The following DAB1 variants were observed in gnomAD, a reference collection of about 807,000 sequenced individuals.
DAB1 encodes disabled homolog 1.
DAB1 carries 15 observed loss-of-function variants against 64.6 expected under a neutral mutation model. The observed-to-expected ratio is 0.23, with a 90% CI of 0.16 to 0.36. DAB1 has a LOEUF of 0.36. Ranked by LOEUF, DAB1 falls within the 10% of genes least tolerant of loss-of-function variation. DAB1 has a pLI of 1.00. For missense variants in DAB1, 596 were observed against 706.7 expected (o/e 0.84, Z 1.78); for synonymous variants, 235 against 251.9 (o/e 0.93, Z 0.64).
At chr1:57,097,951 G>A (rs993627412) in intron 4 of DAB1, among the ~76,000 whole-genome samples, 1 of 151,936 alleles carries the variant, frequency 6.6e-6, no homozygotes, top group Non-Finnish European at 1.5e-5. Flanking sequence ...CTAATTTTTT[G>A]TATTTTTAAT....
chr1:57,272,101 C>A (rs931252384), intron 2 of DAB1, among the ~76,000 whole-genome samples: 3 of 152,160 alleles, frequency 2.0e-5, no homozygotes, highest in Non-Finnish European at 4.4e-5. Flanking sequence ...GAGATGTTGG[C>A]GTTTGATTTT....
intron 1 of DAB1, among the ~76,000 whole-genome samples, chr1:57,326,780 G>C (rs916025454): frequency 2.6e-5 from 4 of 151,942 alleles, no homozygotes; most frequent in African/African-American, 4.8e-5. Context: ...CCCATCATGA[G>C]AGTACCATCC....
intron 3 of DAB1, among the ~76,000 whole-genome samples, chr1:58,367,132 T>C (rs776960754): frequency 6.6e-6 from 1 of 152,184 alleles, no homozygotes; most frequent in Non-Finnish European, 1.5e-5. Context: ...ACAGTTAATA[T>C]GAAGGGAATA....
intron 7 of DAB1, among the ~76,000 whole-genome samples, chr1:57,495,039 C>T (rs964152108): frequency 6.6e-6 from 1 of 152,134 alleles, no homozygotes; most frequent in Non-Finnish European, 1.5e-5. Flanking sequence ...TAGCCCAGTG[C>T]TATCTTGCTA....
chr1:58,422,908 C>A (rs1644786219), intron 3 of DAB1, among the ~76,000 whole-genome samples: 1 of 152,170 alleles, frequency 6.6e-6, no homozygotes. Flanking sequence ...CTAACAGGAG[C>A]AAATCTGATT....
At chr1:57,089,784 A>T (rs1206823614) in intron 4 of DAB1, among the ~76,000 whole-genome samples, 1 of 152,226 alleles carries the variant, frequency 6.6e-6, no homozygotes, top group East Asian at 1.9e-4. Flanking sequence ...AAATGATTTG[A>T]TGTAAGAAAT....
At chr1:58,243,804 A>G (rs1016587765) in intron 4 of DAB1, among the ~76,000 whole-genome samples, 3 of 152,230 alleles carry the variant, frequency 2.0e-5, no homozygotes, top group African/African-American at 7.2e-5. Flanking sequence ...TAGGGAATTG[A>G]AAAAGATACC....
chr1:57,218,018 A>G (rs987234140), intron 2 of DAB1, among the ~76,000 whole-genome samples: 3 of 152,206 alleles, frequency 2.0e-5, no homozygotes, highest in Admixed American at 1.3e-4. Context: ...CAGTCTAATG[A>G]GGGAGACCCA....
intron 4 of DAB1, among the ~76,000 whole-genome samples, chr1:58,203,710 G>C (rs1044683207): frequency 1.3e-5 from 2 of 152,120 alleles, no homozygotes; most frequent in African/African-American, 4.8e-5. Flanking sequence ...AGCACTATGA[G>C]AACTACTGCT....
chr1:57,899,144 G>A (rs1179578380), intron 5 of DAB1, among the ~76,000 whole-genome samples: 1 of 152,092 alleles, frequency 6.6e-6, no homozygotes, highest in Non-Finnish European at 1.5e-5. Context: ...GCTTATGGGA[G>A]ATATTCAAAA....
chr1:57,441,279 TTTC>T (rs1200493911), intron 7 of DAB1, among the ~76,000 whole-genome samples: 6 of 25,826 alleles, frequency 2.3e-4, no homozygotes, highest in African/African-American at 5.7e-4. Flanking sequence ...TTTCTCTTTC[TTTC>T]TTTCTTTCTT....
At chr1:57,055,812 T>A (rs1649695910) in intron 9 of DAB1, among the ~76,000 whole-genome samples, 1 of 151,932 alleles carries the variant, frequency 6.6e-6, no homozygotes, top group African/African-American at 2.4e-5. Context: ...GGGTCCACCA[T>A]CAATATCTCA....
At chr1:57,559,250 G>A (rs1645024257) in intron 7 of DAB1, among the ~76,000 whole-genome samples, 1 of 152,172 alleles carries the variant, frequency 6.6e-6, no homozygotes, top group African/African-American at 2.4e-5. Context: ...ATTTATATAA[G>A]CAGAAAACTT....
chr1:58,051,045 GA>G (rs1647620052), intron 5 of DAB1, among the ~76,000 whole-genome samples: 1 of 151,978 alleles, frequency 6.6e-6, no homozygotes, highest in African/African-American at 2.4e-5. Flanking sequence ...ATAAAGAGAA[GA>G]AATTTTTTTT....
chr1:57,353,698 C>T (rs377568206), intron 1 of DAB1, among the ~76,000 whole-genome samples: 75 of 152,192 alleles, frequency 4.9e-4, no homozygotes, highest in African/African-American at 1.8e-3. Flanking sequence ...CTTAGGTCTG[C>T]CTGAGTCTAA....
At chr1:57,323,047 A>ATTTT (rs10671263) in intron 1 of DAB1, among the ~76,000 whole-genome samples, 5,732 of 151,620 alleles carry the variant, frequency 0.038, 182 homozygotes, top group African/African-American at 0.078. Context: ...GAGTTCTGAG[A>ATTTT]TTTTTTTTTG....
At chr1:58,509,761 A>G (rs1372544154) in intron 2 of DAB1, among the ~76,000 whole-genome samples, 1 of 151,898 alleles carries the variant, frequency 6.6e-6, no homozygotes. Context: ...AGAGTAAGAA[A>G]AAAAAAGACT....
At chr1:57,248,984 G>C (rs929012198) in intron 2 of DAB1, among the ~76,000 whole-genome samples, 1 of 152,144 alleles carries the variant, frequency 6.6e-6, no homozygotes, top group African/African-American at 2.4e-5. Flanking sequence ...CCTCAAACAA[G>C]ACAGGCATAT....
chr1:57,963,459 A>G (rs1476338653), intron 5 of DAB1, among the ~76,000 whole-genome samples: 2 of 152,218 alleles, frequency 1.3e-5, no homozygotes, highest in Non-Finnish European at 2.9e-5. Context: ...TTCTCTCTCC[A>G]TCTGTTTGTC....
Sources: gnomAD v4.1 joint callset for allele counts (sites outside exome capture counted in the v4.1 genomes callset) on GRCh38, gnomAD v4.1.1 for gene constraint, MANE v1.5 for transcripts, NCBI Gene and HGNC (gene_info 2026-07-23, HGNC 2026-07-21) for gene names.